Variants in LMOD3 observed in about 807,000 individuals in gnomAD.
LMOD3 encodes leiomodin-3.
In LMOD3, 31 loss-of-function variants were observed where a neutral mutation model predicts 41.8. The ratio of observed to expected loss-of-function variants is 0.74; its 90% CI spans 0.56 to 1.00. The LOEUF is 1.00. Ranked by LOEUF, LMOD3 falls within the 50% of genes least tolerant of loss-of-function variation. LMOD3 has a pLI of 0.00. For missense variants in LMOD3, 755 were observed against 679.5 expected, an observed-to-expected ratio of 1.11 and a Z score of -1.23; for synonymous variants, 292 against 241.9, an observed-to-expected ratio of 1.21 and a Z score of -1.92.
At position 69,107,202 on chromosome 3, in the gene LMOD3, G is replaced by A. The variant is rs1433104097; in HGVS notation, c.*1893C>T. On this transcript the variant is annotated 3_prime_UTR_variant, in exon 3 of 3. Transcript: ENST00000420581. ...GAAGGGTGAGAAAACAAAACTATCAGCCATTGAAAACTATATTTAAATTTG... is the reference window on the plus strand; with the variant it reads ...GAAGGGTGAGAAAACAAAACTATCAACCATTGAAAACTATATTTAAATTTG... The A allele has an allele frequency of 1.3e-5, 2 of 151,922 alleles. No individual in the cohort carries two copies. The highest frequency in any genetic ancestry group is 2.4e-5 in the African/African-American group (1 of 41,372). The allele number at this position is 151,922 out of a possible 1,614,324, so 9.4% of individuals were successfully genotyped here.
At position 69,122,122 on chromosome 3, in the gene LMOD3, G is replaced by T; in HGVS notation, c.265C>A (p.Arg89=). The T allele has an allele frequency of 6.2e-7, 1 of 1,612,348 alleles. No homozygotes were observed. The highest frequency in any genetic ancestry group is 8.5e-7 in the Non-Finnish European group (1 of 1,179,190). The change falls in exon 1 of 3, where the codon CGA becomes AGA. Residue 89 remains arginine (R), a synonymous_variant. Transcript: ENST00000420581. ...GATTTCACAAAGGTGACAGGAACTCGTTCCTCTTCCAGCATGCGCCTGGAT... is the reference window on the plus strand; with the variant it reads ...GATTTCACAAAGGTGACAGGAACTCTTTCCTCTTCCAGCATGCGCCTGGAT... The part of the protein sequence containing the change: ...KASRRMLEEE[R]VPVTFVKSEE...
chr3:69,114,843 A>G (rs914259628), intron 2 of LMOD3, among the ~76,000 whole-genome samples: 2 of 152,010 alleles, frequency 1.3e-5, no homozygotes, highest in Non-Finnish European at 2.9e-5. Context: ...TACAAAAGTA[A>G]TATTTCCAAA....
chr3:69,118,776 G>T lies in LMOD3; in HGVS notation c.1579C>A (p.Pro527Thr), dbSNP rs373480967. The T allele has an allele frequency of 1.8e-5, 29 of 1,611,950 alleles. No homozygotes were observed. In the East Asian group the frequency reaches 6.5e-4, roughly 36 times the overall value. Residue 527 changes from proline (P) to threonine (T), a missense_variant, in exon 2 of 3, where the codon CCC becomes ACC. Coordinates refer to ENST00000420581, the MANE Select transcript of LMOD3 (RefSeq NM_198271.5). ...CTGGGAGTGATTTCCACCAATGGGG[G>T]TGGCCTGTTTCTCGGCACTGGCTTG... is the stretch of plus-strand genomic sequence containing the variant. ...TLKPVPRNRP[P>T]PLVEITPRDQ...
chr3:69,111,634 G>T (rs748857147), intron 2 of LMOD3, among the ~76,000 whole-genome samples: 18 of 152,206 alleles, frequency 1.2e-4, no homozygotes, highest in Non-Finnish European at 2.5e-4. Context: ...GGAGCGCAGT[G>T]GTGCAATGAT....
chr3:69,118,273 G>A (rs1477685959), intron 2 of LMOD3, among the ~76,000 whole-genome samples: 1 of 152,150 alleles, frequency 6.6e-6, no homozygotes, highest in African/African-American at 2.4e-5. Flanking sequence ...TCTAGACTCA[G>A]AACCGGGTTT....
intron 2 of LMOD3, among the ~76,000 whole-genome samples, chr3:69,113,698 G>T (rs1559659258): frequency 6.6e-6 from 1 of 152,210 alleles, no homozygotes; most frequent in Non-Finnish European, 1.5e-5. Flanking sequence ...TAGTTATCTT[G>T]CGTGATTGGC....
chr3:69,118,509 G>C (rs529534078), intron 2 of LMOD3, among the ~76,000 whole-genome samples, 190 bp downstream of exon 2: 3 of 152,234 alleles, frequency 2.0e-5, no homozygotes, highest in African/African-American at 7.2e-5. Context: ...GGCGTACCTA[G>C]AGATGGGGTG....
intron 2 of LMOD3, among the ~76,000 whole-genome samples, chr3:69,110,230 TTTTTA>T (rs1260910943): frequency 2.6e-5 from 4 of 151,520 alleles, no homozygotes; most frequent in Non-Finnish European, 2.9e-5. Flanking sequence ...CTTGTTAGGA[TTTTTA>T]TTTTATTTTT....
chr3:69,122,554 A>G lies in LMOD3; in HGVS notation c.-168T>C. 1 of 589,734 alleles carries G rather than the reference A, an allele frequency of 1.7e-6. No homozygotes were observed. The highest frequency in any genetic ancestry group is 3.0e-6 in the Non-Finnish European group (1 of 338,024). The allele number at this position is 589,734 out of a possible 1,614,324, so 36.5% of individuals were successfully genotyped here. ...CAGGAACCTCAGTGGTTTGCTGAGC[A>G]GCTAGGAGTGATCACAGCTAAGCTC... On this transcript the variant is annotated 5_prime_UTR_variant, in exon 1 of 3. Transcript: ENST00000420581.
chr3:69,116,462 T>C (rs2092373532), intron 2 of LMOD3, among the ~76,000 whole-genome samples: 1 of 152,240 alleles, frequency 6.6e-6, no homozygotes, highest in South Asian at 2.1e-4. Context: ...CTTTGCGGCA[T>C]GTTTTTCTTG....
chr3:69,118,653 T>C, intron 2 of LMOD3, 46 bp downstream of exon 2: 1 of 1,555,586 alleles, frequency 6.4e-7, no homozygotes, highest in Non-Finnish European at 8.7e-7. Flanking sequence ...GGGATGCATT[T>C]ACTATGGAGG....
rs756313861 is a variant in LMOD3, at chr3:69,122,216, T to C, written c.171A>G (p.Gln57=). The change falls in exon 1 of 3, where the codon CAA becomes CAG. Residue 57 remains glutamine (Q), a synonymous_variant. Coordinates refer to ENST00000420581, the MANE Select transcript of LMOD3 (RefSeq NM_198271.5). ...SLPVGMIQKD[Q]TDKPPTGNFN... is the part of the protein sequence containing the mutation. ...AGTTTCCTGTCGGTGGCTTGTCAGT[T>C]TGATCTTTCTGAATCATTCCCACGG... The C allele has an allele frequency of 5.6e-6, 9 of 1,613,514 alleles. No individual in the cohort carries two copies. In the African/African-American group the frequency reaches 1.2e-4, roughly 22 times the overall value.
Position 69,122,195 on chromosome 3 carries a change from T to G in LMOD3, c.192A>C (p.Gly64=). The change falls in exon 1 of 3, where the codon GGA becomes GGC. Residue 64 remains glycine (G), a synonymous_variant. Coordinates refer to ENST00000420581, the MANE Select transcript of LMOD3 (RefSeq NM_198271.5). ...CAACAAGAGATTTATGATTGAAGTT[T>G]CCTGTCGGTGGCTTGTCAGTTTGAT... The part of the protein sequence containing the change: ...QKDQTDKPPT[G]NFNHKSLVDY... 6.2e-7 allele frequency: 1 copy of G among 1,613,500 alleles called. No individual in the cohort carries two copies. Among genetic ancestry groups the G allele is most frequent in the Non-Finnish European group, 8.5e-7 (1 of 1,179,720 alleles).
chr3:69,116,702 G>A (rs1352223003), intron 2 of LMOD3, among the ~76,000 whole-genome samples: 1 of 152,158 alleles, frequency 6.6e-6, no homozygotes, highest in East Asian at 1.9e-4. Context: ...TAAGCTCTGT[G>A]TGCGGTCGAG....
intron 2 of LMOD3, among the ~76,000 whole-genome samples, chr3:69,110,838 CAAA>C (rs774402446): frequency 1.9e-4 from 13 of 67,010 alleles, no homozygotes; most frequent in African/African-American, 6.6e-4. Flanking sequence ...GACACCATCT[CAAA>C]AAAAAAAAAA....
At position 69,107,818 on chromosome 3, in the gene LMOD3, A is replaced by G. The variant is rs528484972; in HGVS notation, c.*1277T>C. 1 of 152,074 alleles carries G rather than the reference A, an allele frequency of 6.6e-6. No individual in the cohort carries two copies. Among genetic ancestry groups the G allele is most frequent in the African/African-American group, 2.4e-5 (1 of 41,494 alleles). The allele number at this position is 152,074 out of a possible 1,614,324, so 9.4% of individuals were successfully genotyped here. ...AATTTCTAGGGTTCACACTACTTCT[A>G]TTATTACAAAAATCTCAAATTCTAT... On this transcript the variant is annotated 3_prime_UTR_variant, in exon 3 of 3. Transcript: ENST00000420581.
In LMOD3 at chr3:69,119,565, C is replaced by T. The variant is rs768669027; in HGVS notation, c.790G>A (p.Glu264Lys). ...AGTAACATTTCTTTGGGGATGTTTT[C>T]AATGTTGTTCAGGTTGAGTTCCTTC... Reference protein sequence around the residue: ...DMKELNLNNIENIPKEMLLDF... With the variant: ...DMKELNLNNIKNIPKEMLLDF... Residue 264 changes from glutamate (E) to lysine (K), a missense_variant, in exon 2 of 3, where the codon GAA (glutamate) becomes AAA (lysine). Physicochemically the swap from Glu to Lys is moderately conservative, Grantham distance 56. Coordinates refer to ENST00000420581, the MANE Select transcript of LMOD3 (RefSeq NM_198271.5). 1 of 1,613,636 alleles carries T rather than the reference C, an allele frequency of 6.2e-7. No homozygotes were observed. The highest frequency in any genetic ancestry group is 8.5e-7 in the Non-Finnish European group (1 of 1,179,884).
intron 1 of LMOD3, 81 bp downstream of exon 1, chr3:69,122,012 G>T: frequency 8.5e-7 from 1 of 1,180,682 alleles, no homozygotes; most frequent in Non-Finnish European, 1.2e-6. Context: ...CTGGAGTCTT[G>T]AGAAATCACA....
In LMOD3 at chr3:69,122,571, G is replaced by T. The variant is rs1232931213; in HGVS notation, c.-185C>A. On this transcript the variant is annotated 5_prime_UTR_variant, in exon 1 of 3. In the 5' UTR this introduces an upstream ATG that the reference lacks. Transcript: ENST00000420581. ...TGCTGAGCAGCTAGGAGTGATCACAGCTAAGCTCTTGCCGGATCTATATTA... is the reference window on the plus strand; with the variant it reads ...TGCTGAGCAGCTAGGAGTGATCACATCTAAGCTCTTGCCGGATCTATATTA... 1 of 558,378 alleles carries T rather than the reference G, an allele frequency of 1.8e-6. No individual in the cohort carries two copies. The highest frequency in any genetic ancestry group is 3.2e-6 in the Non-Finnish European group (1 of 317,294). The allele number at this position is 558,378 out of a possible 1,614,324, so 34.6% of individuals were successfully genotyped here. A position where few individuals can be genotyped will look rare whatever the true frequency, so the allele number is the denominator to read the frequency against.
Sources: allele counts gnomAD v4.1 joint callset (sites outside exome capture counted in the v4.1 genomes callset), GRCh38; gene constraint gnomAD v4.1.1; transcripts MANE v1.5; gene names NCBI Gene and HGNC (gene_info 2026-07-23, HGNC 2026-07-21).